The following PROS1 variants were observed in gnomAD, a reference collection of about 807,000 sequenced individuals.
The protein encoded by PROS1 is vitamin K-dependent protein S.
PROS1 carries 29 observed loss-of-function variants against 75.9 expected under a neutral mutation model. That is an observed-to-expected ratio of 0.38 (90% CI 0.28 to 0.52). The LOEUF is 0.52. Ranked by LOEUF, PROS1 falls within the 20% of genes least tolerant of loss-of-function variation. The pLI is 0.83. For missense variants in PROS1, 680 were observed against 810.3 expected (o/e 0.84, Z 1.95); for synonymous variants, 245 against 280.6 (o/e 0.87, Z 1.27).
intron 4 of PROS1, among the ~76,000 whole-genome samples, chr3:93,909,217 T>A (rs1708718745): frequency 6.6e-6 from 1 of 152,054 alleles, no homozygotes; most frequent in South Asian, 2.1e-4. Context: ...GTAGGAGGAT[T>A]GCTTGAGGCC....
intron 10 of PROS1, among the ~76,000 whole-genome samples, 169 bp from the exon 11 acceptor site, chr3:93,886,672 A>G (rs1235099713): frequency 1.3e-5 from 2 of 152,162 alleles, no homozygotes; most frequent in Non-Finnish European, 2.9e-5. Flanking sequence ...AATTATGATA[A>G]ATGTGATAAA....
chr3:93,925,143 G>A (rs1708998710), intron 2 of PROS1, among the ~76,000 whole-genome samples: 1 of 152,182 alleles, frequency 6.6e-6, no homozygotes, highest in Admixed American at 6.5e-5. Context: ...ATTTCTGATA[G>A]TAAGGTTCTC....
chr3:93,943,562 C>T (rs1168637569), intron 1 of PROS1, among the ~76,000 whole-genome samples: 3 of 152,096 alleles, frequency 2.0e-5, no homozygotes, highest in South Asian at 2.1e-4. Context: ...TAATCCCACT[C>T]GAAGCTGCCC....
At chr3:93,917,069 T>G (rs1281883423) in intron 3 of PROS1, among the ~76,000 whole-genome samples, 3 of 152,192 alleles carry the variant, frequency 2.0e-5, no homozygotes, top group Non-Finnish European at 4.4e-5. Context: ...AGGCTGAATG[T>G]TTGCTTGTTT....
At chr3:93,959,900 T>C (rs555432850) in intron 1 of PROS1, among the ~76,000 whole-genome samples, 1 of 152,330 alleles carries the variant, frequency 6.6e-6, no homozygotes, top group Non-Finnish European at 1.5e-5. Flanking sequence ...AGTGTAATAA[T>C]ACTAAGTAAC....
chr3:93,942,495 C>T (rs894009846), intron 1 of PROS1, among the ~76,000 whole-genome samples: 1 of 152,188 alleles, frequency 6.6e-6, no homozygotes, highest in African/African-American at 2.4e-5. Flanking sequence ...CAGGACAGTG[C>T]TTAGGCTGAT....
intron 9 of PROS1, among the ~76,000 whole-genome samples, chr3:93,894,880 A>C (rs1708478774): frequency 6.6e-6 from 1 of 152,202 alleles, no homozygotes; most frequent in Non-Finnish European, 1.5e-5. Context: ...GTTTAAAATA[A>C]ATAAATAATA....
At chr3:93,893,576 G>A (rs1708462136) in intron 9 of PROS1, among the ~76,000 whole-genome samples, 1 of 151,854 alleles carries the variant, frequency 6.6e-6, no homozygotes, top group African/African-American at 2.4e-5. Context: ...ATCCATAAGT[G>A]ATCATAAAAT....
At chr3:93,938,990 C>T (rs867409624) in intron 1 of PROS1, among the ~76,000 whole-genome samples, 1 of 152,120 alleles carries the variant, frequency 6.6e-6, no homozygotes, top group Non-Finnish European at 1.5e-5. Context: ...TTTCTCTGGG[C>T]TTGCCTCCTT....
intron 6 of PROS1, among the ~76,000 whole-genome samples, chr3:93,904,895 A>T (rs1375295173): frequency 6.6e-6 from 1 of 152,212 alleles, no homozygotes; most frequent in Non-Finnish European, 1.5e-5. Context: ...AGAAAGCTAA[A>T]CTAACAGGGA....
chr3:93,916,779 C>T (rs923473541), intron 3 of PROS1, among the ~76,000 whole-genome samples: 6 of 152,192 alleles, frequency 3.9e-5, no homozygotes, highest in African/African-American at 1.4e-4. Flanking sequence ...CAAGGCATGA[C>T]CTCTTAGGAA....
intron 6 of PROS1, among the ~76,000 whole-genome samples, chr3:93,902,625 C>T (rs971708216): frequency 1.6e-4 from 25 of 151,716 alleles, no homozygotes; most frequent in African/African-American, 6.0e-4. Context: ...TGGTGGCATG[C>T]GTCTGTAGTC....
intron 1 of PROS1, among the ~76,000 whole-genome samples, chr3:93,951,949 A>T (rs1314219479): frequency 6.6e-6 from 1 of 152,200 alleles, no homozygotes; most frequent in African/African-American, 2.4e-5. Flanking sequence ...CTGATAAAAC[A>T]GACTTTTAAC....
intron 12 of PROS1, among the ~76,000 whole-genome samples, chr3:93,883,818 C>T (rs572345011): frequency 4.8e-4 from 73 of 151,914 alleles, no homozygotes; most frequent in Non-Finnish European, 9.6e-4. Flanking sequence ...GGCGTGGTGG[C>T]GGGCGCCTGT....
At chr3:93,928,919 G>A in intron 1 of PROS1, 1 of 320,560 alleles carries the variant, frequency 3.1e-6, no homozygotes, top group East Asian at 8.7e-5. Context: ...ATATTAGACT[G>A]GCAAAACTTT....
In PROS1 at chr3:93,883,783, AAC is replaced by A. The variant is rs1350859581; in HGVS notation, c.1492+943_1492+944del. Among the ~76,000 whole-genome samples the A allele has an allele frequency of 2.6e-5, 4 of 151,088 alleles. No homozygotes were observed. The East Asian group carries it at 5.9e-4, about 22-fold the overall frequency. ...GCAGTTCAAAACCAGCCTGGCCAAA[AAC>A]ACAAAAATACAAAAATTAGCCGGGC... On this transcript the variant is annotated intron_variant, in intron 12 of 14. Transcript: ENST00000394236.
chr3:93,883,998 A>G (rs908396413), intron 12 of PROS1, among the ~76,000 whole-genome samples: 3 of 152,174 alleles, frequency 2.0e-5, no homozygotes, highest in Non-Finnish European at 4.4e-5. Context: ...TGGTGCATTA[A>G]GGGTAATCCT....
At chr3:93,953,006 A>G (rs559013494) in intron 1 of PROS1, among the ~76,000 whole-genome samples, 5 of 152,198 alleles carry the variant, frequency 3.3e-5, no homozygotes, top group South Asian at 2.1e-4. Context: ...CTAGACACAT[A>G]CACCCTCCCA....
chr3:93,946,031 A>G (rs1459786793), intron 1 of PROS1, among the ~76,000 whole-genome samples: 1 of 152,238 alleles, frequency 6.6e-6, no homozygotes, highest in Non-Finnish European at 1.5e-5. Context: ...AGAGAGCCAA[A>G]TCATGAGTGA....
Sources: allele counts gnomAD v4.1 joint callset (sites outside exome capture counted in the v4.1 genomes callset), GRCh38; gene constraint gnomAD v4.1.1; transcripts MANE v1.5; gene names NCBI Gene and HGNC (gene_info 2026-07-23, HGNC 2026-07-21).